PAX7: variants seen among roughly 807,000 people sequenced by gnomAD.
PAX7 encodes the protein paired box protein Pax-7.
A neutral mutation model predicts 50.7 loss-of-function variants in PAX7; 18 were observed. That is an observed-to-expected ratio of 0.36 (90% confidence interval 0.25 to 0.53). PAX7 has a LOEUF of 0.53. Ranked by LOEUF, PAX7 falls within the 20% of genes least tolerant of loss-of-function variation. The pLI, the probability that PAX7 is intolerant of heterozygous loss-of-function variation, is 0.93. For synonymous variants in PAX7, 310 were observed against 290.4 expected, an observed-to-expected ratio of 1.07 and a Z score of -0.69; for missense variants, 644 against 702.9, an observed-to-expected ratio of 0.92 and a Z score of 0.95.
chr1:18,692,864 C>T lies in PAX7; in HGVS notation c.786+911C>T, dbSNP rs140536468. 7.5e-3 allele frequency among the ~76,000 whole-genome samples: 1,143 copies of T among 152,230 alleles called. 3 individuals carry two copies. The highest frequency in any genetic ancestry group is 7.6e-3 in the Admixed American group (117 of 15,298). On this transcript the variant is annotated intron_variant, in intron 5 of 8. Transcript: ENST00000420770. Reference sequence around the variant, plus strand: ...GAAGAGCAAGAGCCTCCCAATGGCTCGAGGACTGCCCCGCCTGCTCTCTGT... The same window carrying T: ...GAAGAGCAAGAGCCTCCCAATGGCTTGAGGACTGCCCCGCCTGCTCTCTGT...
At chr1:18,643,596 A>C (rs2088292368) in intron 4 of PAX7, among the ~76,000 whole-genome samples, 1 of 152,122 alleles carries the variant, frequency 6.6e-6, no homozygotes, top group Non-Finnish European at 1.5e-5. Context: ...CGGGACCTAG[A>C]GACAGCCCGC....
At chr1:18,640,234 A>G (rs2088230165) in intron 4 of PAX7, among the ~76,000 whole-genome samples, 1 of 152,190 alleles carries the variant, frequency 6.6e-6, no homozygotes, top group Non-Finnish European at 1.5e-5. Context: ...GACACTTGTA[A>G]AAGGAGGTGG....
chr1:18,725,302 G>GCCCCCCCCCCCCC lies in PAX7; in HGVS notation c.1156-10320_1156-10319insCCCCCCCCCCCCC, dbSNP rs3216186. ...CTCCACCAATTACAGAGGTGGAGACGCCCCCCCCCCGCCCCACCAACACCG... is the reference window on the plus strand; with the variant it reads ...CTCCACCAATTACAGAGGTGGAGACGCCCCCCCCCCCCCCCCCCCCCCCGCCCCACCAACACCG... On this transcript the variant is annotated intron_variant, in intron 7 of 8. Coordinates refer to ENST00000420770, the MANE Select transcript of PAX7 (RefSeq NM_001135254.2). 1.9e-4 allele frequency among the ~76,000 whole-genome samples: 20 copies of GCCCCCCCCCCCCC among 106,350 alleles called. 2 individuals are homozygous for GCCCCCCCCCCCCC. Among genetic ancestry groups the GCCCCCCCCCCCCC allele is most frequent in the South Asian group, 3.6e-4 (1 of 2,766 alleles). 69.8% of individuals were successfully genotyped at this position (106,350 alleles called of 152,430 possible).
chr1:18,639,040 G>A (rs2088206225), intron 4 of PAX7, among the ~76,000 whole-genome samples: 1 of 152,202 alleles, frequency 6.6e-6, no homozygotes, highest in South Asian at 2.1e-4. Context: ...ATGGCAGGGA[G>A]CCACCAAAGA....
intron 4 of PAX7, among the ~76,000 whole-genome samples, chr1:18,652,098 G>T (rs1001810487): frequency 6.6e-6 from 1 of 151,956 alleles, no homozygotes; most frequent in Non-Finnish European, 1.5e-5. Flanking sequence ...CCGGGCAGCA[G>T]CGGAAAGGCT....
At chr1:18,651,333 A>G (rs565638374) in intron 4 of PAX7, among the ~76,000 whole-genome samples, 32 of 152,220 alleles carry the variant, frequency 2.1e-4, no homozygotes, top group African/African-American at 7.7e-4. Flanking sequence ...ATGTATATGC[A>G]TATATTTTTA....
chr1:18,686,281 A>G (rs770407244), intron 4 of PAX7, among the ~76,000 whole-genome samples: 5 of 152,176 alleles, frequency 3.3e-5, no homozygotes, highest in Non-Finnish European at 5.9e-5. Flanking sequence ...ACTGCTCCAC[A>G]TCCCTGACTA....
chr1:18,724,784 T>C (rs2089537622), intron 7 of PAX7, among the ~76,000 whole-genome samples: 1 of 152,258 alleles, frequency 6.6e-6, no homozygotes, highest in African/African-American at 2.4e-5. Context: ...CATTTTTCAT[T>C]ATATTTCATA....
intron 7 of PAX7, among the ~76,000 whole-genome samples, chr1:18,718,998 A>AT (rs964067362): frequency 2.0e-5 from 3 of 151,936 alleles, no homozygotes; most frequent in African/African-American, 7.3e-5. Context: ...ATGAACTGAG[A>AT]TCCCCCTCCC....
chr1:18,710,436 T>C (rs139628682), intron 7 of PAX7, among the ~76,000 whole-genome samples: 4 of 151,936 alleles, frequency 2.6e-5, no homozygotes, highest in Non-Finnish European at 4.4e-5. Context: ...GCGTTTATAA[T>C]AGGCATTTAA....
chr1:18,738,548 C>T (rs1311256079), intron 8 of PAX7, among the ~76,000 whole-genome samples: 1 of 152,030 alleles, frequency 6.6e-6, no homozygotes, highest in Non-Finnish European at 1.5e-5. Flanking sequence ...CCCCCACCAC[C>T]CCCTACTCCA....
rs527604301 is a variant in PAX7, at chr1:18,655,962, A to G, written c.586+19591A>G. ...GCGGAACAGCTTGGGGGTTTGCAGC[A>G]TCAGACTTGAGCTGGAATCGGCCTT... is the stretch of plus-strand genomic sequence containing the variant. On this transcript the variant is annotated intron_variant, in intron 4 of 8. Coordinates refer to ENST00000420770, the MANE Select transcript of PAX7 (RefSeq NM_001135254.2). Among the ~76,000 whole-genome samples, 150 of 152,222 alleles carry G rather than the reference A, an allele frequency of 9.9e-4. 2 individuals carry two copies. The highest frequency in any genetic ancestry group is 1.9e-3 in the Non-Finnish European group (130 of 68,012).
At chr1:18,716,787 C>T (rs563570299) in intron 7 of PAX7, among the ~76,000 whole-genome samples, 73 of 152,112 alleles carry the variant, frequency 4.8e-4, no homozygotes, top group Non-Finnish European at 9.3e-4. Context: ...CTCCTCTCCT[C>T]TCTCATTCCG....
Position 18,726,680 on chromosome 1 carries a change from C to T in PAX7, c.1156-8952C>T, listed in dbSNP as rs949155511. Reference sequence around the variant, plus strand: ...GGGACCTCACAGCCTCTTTTGGCTGCACCTCCCAGGGTCTCTCCCTCACAC... The same window carrying T: ...GGGACCTCACAGCCTCTTTTGGCTGTACCTCCCAGGGTCTCTCCCTCACAC... On this transcript the variant is annotated intron_variant, in intron 7 of 8. Transcript: ENST00000420770. The surrounding 1 kb of genome is among the most constrained non-coding windows in gnomAD (Gnocchi z 4.8). 6.6e-6 allele frequency among the ~76,000 whole-genome samples: 1 copy of T among 152,242 alleles called. No individual in the cohort carries two copies. Among genetic ancestry groups the T allele is most frequent in the African/African-American group, 2.4e-5 (1 of 41,468 alleles).
intron 8 of PAX7, among the ~76,000 whole-genome samples, chr1:18,742,779 A>G (rs1931221110): frequency 6.6e-6 from 1 of 152,204 alleles, no homozygotes; most frequent in African/African-American, 2.4e-5. Context: ...CAGGGTTCAG[A>G]CACTCCAGAG....
chr1:18,742,812 C>T (rs1444529034), intron 8 of PAX7, among the ~76,000 whole-genome samples: 4 of 152,222 alleles, frequency 2.6e-5, no homozygotes, highest in Non-Finnish European at 5.9e-5. Context: ...ATTTGCACAT[C>T]CCTTGGGACT....
intron 7 of PAX7, among the ~76,000 whole-genome samples, chr1:18,732,542 A>T (rs1039073689): frequency 2.0e-5 from 3 of 152,270 alleles, no homozygotes; most frequent in Non-Finnish European, 2.9e-5. Flanking sequence ...GAATACGTGA[A>T]TGAATGAAGG....
chr1:18,721,110 T>C (rs962647659), intron 7 of PAX7, among the ~76,000 whole-genome samples: 3 of 151,778 alleles, frequency 2.0e-5, no homozygotes, highest in African/African-American at 7.3e-5. Flanking sequence ...CCCTCCAGCC[T>C]CTTCTCCCAC....
chr1:18,740,140 G>C (rs1442707128), intron 8 of PAX7, among the ~76,000 whole-genome samples: 4 of 152,218 alleles, frequency 2.6e-5, no homozygotes, highest in African/African-American at 7.2e-5. Context: ...GAGACAGAGG[G>C]ACAGGGAGGG....
Sources: gnomAD v4.1 joint callset for allele counts (sites outside exome capture counted in the v4.1 genomes callset) on GRCh38, gnomAD v4.1.1 for gene constraint, Gnocchi (gnomAD v3.1) non-coding constraint, MANE v1.5 for transcripts, NCBI Gene and HGNC (gene_info 2026-07-23, HGNC 2026-07-21) for gene names.